GHR: variants seen among roughly 807,000 people sequenced by gnomAD.
The protein encoded by GHR is growth hormone receptor.
In GHR, 35 loss-of-function variants were observed where a neutral mutation model predicts 67.1. The observed-to-expected ratio is 0.52, with a 90% CI of 0.40 to 0.69. GHR has a LOEUF of 0.69. Among genes scored for constraint, GHR ranks in the 30% least tolerant of loss-of-function variants. The pLI is 0.00. For missense variants in GHR, 792 were observed against 764.6 expected, an observed-to-expected ratio of 1.04 and a Z score of -0.42; for synonymous variants, 272 against 269.1, an observed-to-expected ratio of 1.01 and a Z score of -0.10.
chr5:42,626,761 A>G (rs939482904), intron 2 of GHR, among the ~76,000 whole-genome samples: 2 of 152,200 alleles, frequency 1.3e-5, no homozygotes, highest in African/African-American at 4.8e-5. Flanking sequence ...AAACGGAGAC[A>G]AGGTCAAATA....
intron 1 of GHR, among the ~76,000 whole-genome samples, chr5:42,483,299 A>G (rs1745736324): frequency 6.6e-6 from 1 of 152,046 alleles, no homozygotes. Flanking sequence ...CAGTCTGCCC[A>G]CCTTGGCCTC....
chr5:42,536,375 G>A (rs530379988), intron 1 of GHR, among the ~76,000 whole-genome samples: 1 of 152,008 alleles, frequency 6.6e-6, no homozygotes, highest in Non-Finnish European at 1.5e-5. Context: ...AATCTGAAAG[G>A]GATGCTGGAT....
rs746334052 is a variant in GHR at position 42,719,450 on chromosome 5, C to T, written c.*26C>T. On this transcript the variant is annotated 3_prime_UTR_variant, in exon 10 of 10. Transcript: ENST00000230882. Reference sequence around the variant, plus strand: ...CCTTTCTTTGGTTTCCCAAGAGCTACGTATTTAATAGCAAAGAATTGACTG... The same window carrying T: ...CCTTTCTTTGGTTTCCCAAGAGCTATGTATTTAATAGCAAAGAATTGACTG... 18 of 1,603,674 alleles carry T rather than the reference C, an allele frequency of 1.1e-5. No individual in the cohort carries two copies. Among genetic ancestry groups the T allele is most frequent in the Non-Finnish European group, 1.2e-5 (14 of 1,176,154 alleles).
rs34179898 is a variant in GHR at position 42,711,514 on chromosome 5, A to C, written c.784+142A>C. ...CAGGATGAGAGACCTTGAGCTCACT[A>C]TCTGTAACAGATATTGTTCATTGCA... On this transcript the variant is annotated intron_variant, in intron 7 of 9. Coordinates refer to ENST00000230882, the MANE Select transcript of GHR (RefSeq NM_000163.5). 3.6e-3 allele frequency: 2,558 copies of C among 702,392 alleles called. 49 individuals are homozygous for C. The African/African-American group carries it at 0.039, about 11-fold the overall frequency. The allele number at this position is 702,392 out of a possible 1,614,324, so 43.5% of individuals were successfully genotyped here.
At chr5:42,522,469 T>G (rs1579863912) in intron 1 of GHR, among the ~76,000 whole-genome samples, 2 of 152,200 alleles carry the variant, frequency 1.3e-5, no homozygotes, top group South Asian at 4.1e-4. Flanking sequence ...CCACTTTCTC[T>G]CCTCAATATC....
At chr5:42,566,712 G>C (rs1476809512) in intron 2 of GHR, among the ~76,000 whole-genome samples, 1 of 151,266 alleles carries the variant, frequency 6.6e-6, no homozygotes, top group East Asian at 1.9e-4. Context: ...TTCCTTGCCT[G>C]GGCTTCTACA....
At chr5:42,429,974 C>T (rs555010493) in intron 1 of GHR, among the ~76,000 whole-genome samples, 1 of 152,312 alleles carries the variant, frequency 6.6e-6, no homozygotes, top group Non-Finnish European at 1.5e-5. Flanking sequence ...AAAGATACTT[C>T]CTTGGGCAAC....
chr5:42,505,614 G>A (rs1746740460), intron 1 of GHR, among the ~76,000 whole-genome samples: 1 of 152,072 alleles, frequency 6.6e-6, no homozygotes, highest in Non-Finnish European at 1.5e-5. Context: ...GTAGACTTGG[G>A]TTTGAGTCAG....
In GHR at chr5:42,632,198, A is replaced by G. The variant is rs141910182; in HGVS notation, c.136+3095A>G. ...AAGTTCAGGCTACTTACCATTCCCC[A>G]GGCACACTGTATTTTCCCTCCTCTG... On this transcript the variant is annotated intron_variant, in intron 3 of 9. Coordinates refer to ENST00000230882, the MANE Select transcript of GHR (RefSeq NM_000163.5). Among the ~76,000 whole-genome samples the G allele has an allele frequency of 2.9e-4, 44 of 152,246 alleles. 4 individuals carry two copies. The highest frequency in any genetic ancestry group is 9.9e-4 in the African/African-American group (41 of 41,556).
intron 1 of GHR, among the ~76,000 whole-genome samples, chr5:42,545,755 T>C (rs1161461442): frequency 6.6e-6 from 1 of 152,170 alleles, no homozygotes; most frequent in Non-Finnish European, 1.5e-5. Flanking sequence ...AAAGATATAG[T>C]CCAGGCTCCT....
At position 42,517,981 on chromosome 5, in the gene GHR, G is replaced by A. The variant is rs552982499; in HGVS notation, c.-11-47883G>A. Among the ~76,000 whole-genome samples, 6 of 151,752 alleles carry A rather than the reference G, an allele frequency of 4.0e-5. No individual in the cohort carries two copies. In the South Asian group the frequency reaches 6.2e-4, roughly 16 times the overall value. On this transcript the variant is annotated intron_variant, in intron 1 of 9. Transcript: ENST00000230882. ...GCCAGGTCCATTCACACAACTAAGC[G>A]GCTCAGTTCTCTCAGTTCCCTGGTC...
chr5:42,671,171 G>A (rs78103921), intron 3 of GHR, among the ~76,000 whole-genome samples: 1,702 of 152,258 alleles, frequency 0.011, 39 homozygotes, highest in African/African-American at 0.039. Context: ...ATTTGTTCAT[G>A]GTTCTGCAGC....
In GHR at chr5:42,424,428, G is replaced by A; in HGVS notation, c.-12+473G>A. On this transcript the variant is annotated intron_variant, in intron 1 of 9. Coordinates refer to ENST00000230882, the MANE Select transcript of GHR (RefSeq NM_000163.5). This position sits in a 1 kb window ranked among gnomAD's most constrained non-coding sequence, Gnocchi z 4.1. ...TGCCGAGGCTGCTGCTGTTGCGCGG[G>A]GAAGAATCCCCGGCAGCGCGACTGG... 2 of 626,540 alleles carry A rather than the reference G, an allele frequency of 3.2e-6. No individual in the cohort carries two copies. The highest frequency in any genetic ancestry group is 5.7e-6 in the Non-Finnish European group (2 of 351,868). The allele number at this position is 626,540 out of a possible 1,614,324, so 38.8% of individuals were successfully genotyped here. A position where few individuals can be genotyped will look rare whatever the true frequency, so the allele number is the denominator to read the frequency against.
chr5:42,527,217 C>T (rs1747741546), intron 1 of GHR, among the ~76,000 whole-genome samples: 1 of 152,174 alleles, frequency 6.6e-6, no homozygotes, highest in Admixed American at 6.5e-5. Context: ...ATCAAGTTCA[C>T]ACATATCAAT....
intron 1 of GHR, among the ~76,000 whole-genome samples, chr5:42,562,931 G>A (rs953241378): frequency 2.0e-5 from 3 of 152,142 alleles, no homozygotes; most frequent in African/African-American, 4.8e-5. Context: ...TTACAGGCAT[G>A]AGCCACCACG....
intron 1 of GHR, among the ~76,000 whole-genome samples, chr5:42,541,576 A>G (rs1396237688): frequency 4.6e-5 from 7 of 152,284 alleles, no homozygotes; most frequent in African/African-American, 1.7e-4. Context: ...GAAAAAAAAA[A>G]GGGACATGTT....
intron 3 of GHR, 117 bp from the exon 4 acceptor site, chr5:42,688,773 C>T: frequency 1.0e-6 from 1 of 960,832 alleles, no homozygotes; most frequent in Middle Eastern, 2.9e-4. Flanking sequence ...ACCTCCTAGA[C>T]ACGGAATACA....
chr5:42,683,641 T>C (rs768054007), intron 3 of GHR, among the ~76,000 whole-genome samples: 37 of 145,718 alleles, frequency 2.5e-4, no homozygotes, highest in Non-Finnish European at 3.7e-4. Context: ...CCATAAAATT[T>C]AAAAAAGCCG....
At chr5:42,552,248 T>C (rs1749073116) in intron 1 of GHR, among the ~76,000 whole-genome samples, 1 of 152,232 alleles carries the variant, frequency 6.6e-6, no homozygotes, top group African/African-American at 2.4e-5. Context: ...TGAGCCAAGA[T>C]TTGCAAGGAC....
Sources: allele counts gnomAD v4.1 joint callset (sites outside exome capture counted in the v4.1 genomes callset), GRCh38; gene constraint gnomAD v4.1.1; non-coding constraint Gnocchi (gnomAD v3.1); transcripts MANE v1.5; gene names NCBI Gene and HGNC (gene_info 2026-07-23, HGNC 2026-07-21).